The following SRGAP3 variants were observed in gnomAD, a reference collection of about 807,000 sequenced individuals.
The protein encoded by SRGAP3 is SLIT-ROBO Rho GTPase activating protein 3.
In SRGAP3, 39 loss-of-function variants were observed where a neutral mutation model predicts 121.1. The observed-to-expected ratio is 0.32, with a 90% confidence interval of 0.25 to 0.42. SRGAP3 has a LOEUF of 0.42. SRGAP3 is among the 10% of genes least tolerant of loss of function. SRGAP3 has a pLI of 1.00. For synonymous variants in SRGAP3, 601 were observed against 570.0 expected, an observed-to-expected ratio of 1.05 and a Z score of -0.77; for missense variants, 1,213 against 1,470.6, an observed-to-expected ratio of 0.82 and a Z score of 2.86.
At chr3:9,203,368 A>G (rs746500386) in intron 1 of SRGAP3, among the ~76,000 whole-genome samples, 33 of 152,208 alleles carry the variant, frequency 2.2e-4, no homozygotes, top group Admixed American at 1.3e-4. Context: ...TCAATTTCCT[A>G]TCTATACATT....
chr3:9,302,609 C>G (rs1955081048), intron 3 of SRGAP3, among the ~76,000 whole-genome samples: 1 of 152,178 alleles, frequency 6.6e-6, no homozygotes, highest in South Asian at 2.1e-4. Flanking sequence ...GACATACTCT[C>G]GCAGAGCTTT....
intron 3 of SRGAP3, among the ~76,000 whole-genome samples, chr3:9,283,053 G>A (rs1033433936): frequency 1.3e-5 from 2 of 151,608 alleles, no homozygotes; most frequent in Admixed American, 6.6e-5. Flanking sequence ...CGATTCTCCC[G>A]CCTCAGCCTC....
chr3:9,344,252 G>A (rs761835998), intron 1 of SRGAP3, among the ~76,000 whole-genome samples: 1 of 152,054 alleles, frequency 6.6e-6, no homozygotes, highest in Non-Finnish European at 1.5e-5. Flanking sequence ...GTCAGAAGTT[G>A]GAGATCAGCC....
At chr3:9,015,197 G>T (rs1943569996) in intron 15 of SRGAP3, among the ~76,000 whole-genome samples, 1 of 148,568 alleles carries the variant, frequency 6.7e-6, no homozygotes, top group Admixed American at 6.6e-5. Context: ...TCCCCCTTTT[G>T]CTCCATTTTC....
intron 3 of SRGAP3, among the ~76,000 whole-genome samples, chr3:9,286,700 T>C (rs1574973068): frequency 6.6e-6 from 1 of 150,834 alleles, no homozygotes; most frequent in Non-Finnish European, 1.5e-5. Flanking sequence ...CCTCCCGGGT[T>C]CCCGCCATTC....
intron 1 of SRGAP3, among the ~76,000 whole-genome samples, chr3:9,243,323 G>A (rs561078548): frequency 2.0e-5 from 3 of 151,992 alleles, no homozygotes; most frequent in African/African-American, 7.3e-5. Context: ...GAGGGGAAGG[G>A]TATGGAGGAT....
chr3:8,998,807 C>T (rs1178234384), intron 18 of SRGAP3, among the ~76,000 whole-genome samples: 1 of 152,058 alleles, frequency 6.6e-6, no homozygotes, highest in African/African-American at 2.4e-5. Context: ...CTTACATTAT[C>T]ACATTTAATC....
chr3:9,221,384 G>T (rs1221128733), intron 1 of SRGAP3, among the ~76,000 whole-genome samples: 1 of 152,004 alleles, frequency 6.6e-6, no homozygotes, highest in Non-Finnish European at 1.5e-5. Context: ...ATTTTTAAAA[G>T]TTAGCCAGGC....
intron 3 of SRGAP3, among the ~76,000 whole-genome samples, chr3:9,294,989 A>G (rs1398795107): frequency 2.0e-5 from 3 of 152,182 alleles, no homozygotes; most frequent in Non-Finnish European, 2.9e-5. Flanking sequence ...CCACGAAGGA[A>G]ACTCCTAGGA....
At chr3:9,021,704 A>AAC (rs1446455112) in intron 14 of SRGAP3, among the ~76,000 whole-genome samples, 2 of 152,250 alleles carry the variant, frequency 1.3e-5, no homozygotes, top group African/African-American at 4.8e-5. Context: ...AGAAGGGAAA[A>AAC]ACAGAGCCAA....
intron 1 of SRGAP3, chr3:9,217,604 TACAC>T (rs1488289399): frequency 6.6e-6 from 1 of 151,958 alleles, no homozygotes; most frequent in African/African-American, 2.4e-5. Context: ...GACACACACA[TACAC>T]ACACACCACA....
intron 7 of SRGAP3, 102 bp downstream of exon 7, chr3:9,058,149 C>T (rs535792834): frequency 1.1e-5 from 14 of 1,297,510 alleles, no homozygotes; most frequent in South Asian, 3.6e-5. Context: ...CCCCAGGCGT[C>T]GGATAGAAAC....
intron 1 of SRGAP3, among the ~76,000 whole-genome samples, chr3:9,205,928 G>T (rs913577724): frequency 6.6e-6 from 1 of 152,298 alleles, no homozygotes; most frequent in South Asian, 2.1e-4. Flanking sequence ...AGAGTAGTCA[G>T]ATTCACAAAG....
At chr3:9,308,565 G>A (rs1423839490) in intron 3 of SRGAP3, among the ~76,000 whole-genome samples, 3 of 152,186 alleles carry the variant, frequency 2.0e-5, no homozygotes, top group Admixed American at 6.5e-5. Flanking sequence ...CTTGTTTACA[G>A]GGTCAGTGGT....
intron 14 of SRGAP3, among the ~76,000 whole-genome samples, chr3:9,024,928 A>G (rs940048578): frequency 7.2e-5 from 11 of 152,168 alleles, no homozygotes; most frequent in African/African-American, 2.7e-4. Context: ...AATAGTAGTA[A>G]TAGCAGTAGT....
chr3:9,184,247 G>A (rs1424305889), intron 1 of SRGAP3, among the ~76,000 whole-genome samples: 1 of 152,192 alleles, frequency 6.6e-6, no homozygotes, highest in Non-Finnish European at 1.5e-5. Context: ...GCCCGGCACA[G>A]TCATGACCTT....
intron 2 of SRGAP3, among the ~76,000 whole-genome samples, chr3:9,115,641 T>TA (rs35284707): frequency 3.6e-4 from 54 of 150,236 alleles, no homozygotes; most frequent in South Asian, 6.3e-4. Flanking sequence ...TCCCCTCATT[T>TA]AAAAAAAAAA....
At chr3:9,036,216 G>C (rs1944733867) in intron 11 of SRGAP3, 1 of 152,236 alleles carries the variant, frequency 6.6e-6, no homozygotes, top group African/African-American at 2.4e-5. Context: ...CAACTTAGCT[G>C]AGGGGATCCT....
intron 3 of SRGAP3, among the ~76,000 whole-genome samples, chr3:9,100,304 C>G (rs745441255): frequency 2.0e-5 from 3 of 152,142 alleles, no homozygotes; most frequent in Non-Finnish European, 4.4e-5. Flanking sequence ...TCAGCAGGCT[C>G]TTATTCATCC....
Sources: allele counts gnomAD v4.1 joint callset (sites outside exome capture counted in the v4.1 genomes callset), GRCh38; gene constraint gnomAD v4.1.1; transcripts MANE v1.5; gene names NCBI Gene and HGNC (gene_info 2026-07-23, HGNC 2026-07-21).